Variants in PLD5 observed in about 807,000 individuals in gnomAD.
PLD5 encodes inactive phospholipase D5.
PLD5 carries 36 observed loss-of-function variants against 61.1 expected under a neutral mutation model. The ratio of observed to expected loss-of-function variants is 0.59; its 90% CI spans 0.45 to 0.78. The LOEUF (loss-of-function observed/expected upper bound fraction) is 0.78. PLD5 is among the 30% of genes least tolerant of loss of function. The pLI, the probability that PLD5 is intolerant of heterozygous loss-of-function variation, is 0.00. For missense variants in PLD5, 515 were observed against 644.4 expected (o/e 0.80, Z 2.17); for synonymous variants, 243 against 242.8 (o/e 1.00, Z -0.01).
chr1:242,457,149 G>A lies in PLD5; in HGVS notation c.189+66939C>T, dbSNP rs116709206. On this transcript the variant is annotated intron_variant, in intron 1 of 9. Transcript: ENST00000536534. The stretch of plus-strand genomic sequence containing the variant: ...GGTGATGGGAATTCCTAGTGAACTC[G>A]AAACAGACAATGGTCCAGCCTATTG... 7.6e-3 allele frequency among the ~76,000 whole-genome samples: 1,151 copies of A among 152,236 alleles called. 16 individuals carry two copies. The highest frequency in any genetic ancestry group is 0.024 in the African/African-American group (990 of 41,526).
intron 1 of PLD5, among the ~76,000 whole-genome samples, chr1:242,374,682 A>G (rs945692172): frequency 6.6e-6 from 1 of 152,168 alleles, no homozygotes; most frequent in Non-Finnish European, 1.5e-5. Context: ...GAAGGAAGAA[A>G]CGTTACACAG....
chr1:242,477,823 C>T (rs1198394951), intron 1 of PLD5, among the ~76,000 whole-genome samples: 1 of 152,080 alleles, frequency 6.6e-6, no homozygotes, highest in African/African-American at 2.4e-5. Flanking sequence ...AAAGAAATGG[C>T]AGCGGTCTGA....
At chr1:242,116,187 C>T (rs1002593951) in intron 6 of PLD5, among the ~76,000 whole-genome samples, 3 of 152,010 alleles carry the variant, frequency 2.0e-5, no homozygotes, top group East Asian at 1.9e-4. Context: ...TTCCTCCTCA[C>T]CAATTATGTC....
chr1:242,143,851 T>C (rs1304195603), intron 5 of PLD5, among the ~76,000 whole-genome samples: 1 of 150,028 alleles, frequency 6.7e-6, no homozygotes, highest in African/African-American at 2.5e-5. Flanking sequence ...TTTTTTTTCC[T>C]TTTTTTTTGA....
intron 1 of PLD5, among the ~76,000 whole-genome samples, chr1:242,436,591 C>T (rs905620751): frequency 3.3e-5 from 5 of 152,140 alleles, no homozygotes; most frequent in African/African-American, 1.2e-4. Context: ...CAAAAAAGTA[C>T]AACTGAAGAC....
At chr1:242,445,746 G>C (rs1159533811) in intron 1 of PLD5, among the ~76,000 whole-genome samples, 1 of 150,188 alleles carries the variant, frequency 6.7e-6, no homozygotes, top group Non-Finnish European at 1.5e-5. Flanking sequence ...TACAGTGAGG[G>C]GGTTTTATTC....
chr1:242,502,034 A>C (rs949348867), intron 1 of PLD5, among the ~76,000 whole-genome samples: 1 of 152,074 alleles, frequency 6.6e-6, no homozygotes, highest in African/African-American at 2.4e-5. Context: ...GCTAAGACAC[A>C]GTTTCTTGTT....
At chr1:242,348,343 G>A (rs1660259433) in intron 1 of PLD5, 101 bp from the exon 2 acceptor site, 3 of 1,297,404 alleles carry the variant, frequency 2.3e-6, no homozygotes, top group South Asian at 3.0e-5. Context: ...AAATGGGTGG[G>A]GATACGATTA....
chr1:242,495,029 T>C (rs554522365), intron 1 of PLD5, among the ~76,000 whole-genome samples: 28 of 152,238 alleles, frequency 1.8e-4, no homozygotes, highest in African/African-American at 5.5e-4. Context: ...AATAGTGCTA[T>C]TACTCTATCT....
intron 5 of PLD5, among the ~76,000 whole-genome samples, chr1:242,199,713 G>A (rs544066054): frequency 5.4e-4 from 82 of 151,956 alleles, no homozygotes; most frequent in African/African-American, 4.8e-4. Flanking sequence ...TCCACACTCC[G>A]CCTCCATGTG....
At chr1:242,253,705 GC>G (rs1558400402) in intron 4 of PLD5, among the ~76,000 whole-genome samples, 2 of 152,114 alleles carry the variant, frequency 1.3e-5, no homozygotes, top group Non-Finnish European at 2.9e-5. Flanking sequence ...ATAAAATTCT[GC>G]TTTTCTCCTG....
intron 1 of PLD5, among the ~76,000 whole-genome samples, chr1:242,518,625 T>C (rs541071307): frequency 1.0e-3 from 159 of 152,266 alleles, no homozygotes; most frequent in African/African-American, 3.2e-3. Context: ...TAGAAGTCTA[T>C]AGAGAGAAGT....
chr1:242,321,681 A>G (rs971120260), intron 2 of PLD5, among the ~76,000 whole-genome samples: 8 of 152,044 alleles, frequency 5.3e-5, no homozygotes, highest in African/African-American at 1.9e-4. Flanking sequence ...CTGTTCTGCC[A>G]TCATTACCTG....
intron 1 of PLD5, among the ~76,000 whole-genome samples, chr1:242,439,392 C>T (rs1666165247): frequency 6.6e-6 from 1 of 152,096 alleles, no homozygotes; most frequent in South Asian, 2.1e-4. Flanking sequence ...GGCATGGAGG[C>T]ACGTTCATAG....
At chr1:242,245,424 C>A (rs1475247316) in intron 4 of PLD5, among the ~76,000 whole-genome samples, 1 of 152,214 alleles carries the variant, frequency 6.6e-6, no homozygotes, top group African/African-American at 2.4e-5. Flanking sequence ...TCATCAGCCT[C>A]TTTGTTCACT....
Position 242,377,208 on chromosome 1 carries a change from T to C in PLD5, c.190-28966A>G, listed in dbSNP as rs113751804. ...GTGAGACGTGTAGCAGAGGCCACAC[T>C]CCCGGCACTGGTAGGAAGAACCATC... is the stretch of plus-strand genomic sequence containing the variant. On this transcript the variant is annotated intron_variant, in intron 1 of 9. Coordinates refer to ENST00000536534, the MANE Select transcript of PLD5 (RefSeq NM_001372062.1). 1,525 of 1,611,498 alleles carry C rather than the reference T, an allele frequency of 9.5e-4. 4 individuals carry two copies. In the African/African-American group the frequency reaches 0.012, roughly 13 times the overall value.
Position 242,089,626 on chromosome 1 carries a change from A to C in PLD5, c.*228T>G. Reference sequence around the variant, plus strand: ...TATGCAAACGTAAAAACTAACTTCTACGCCAGAATGACATTCTCTGTCAGA... The same window carrying C: ...TATGCAAACGTAAAAACTAACTTCTCCGCCAGAATGACATTCTCTGTCAGA... On this transcript the variant is annotated 3_prime_UTR_variant, in exon 10 of 10. Transcript: ENST00000536534. The C allele has an allele frequency of 1.7e-6, 1 of 591,296 alleles. No homozygotes were observed. Among genetic ancestry groups the C allele is most frequent in the Non-Finnish European group, 2.9e-6 (1 of 347,422 alleles). 36.6% of individuals were successfully genotyped at this position (591,296 alleles called of 1,614,324 possible).
chr1:242,315,966 C>T (rs982507500), intron 2 of PLD5, among the ~76,000 whole-genome samples: 1 of 152,158 alleles, frequency 6.6e-6, no homozygotes, highest in African/African-American at 2.4e-5. Flanking sequence ...GGCTTGGGTC[C>T]TGAAGTCAAA....
rs1470730912 is a variant in PLD5 at position 242,430,245 on chromosome 1, T to C, written c.190-82003A>G. Among the ~76,000 whole-genome samples the C allele has an allele frequency of 3.9e-5, 6 of 152,220 alleles. No homozygotes were observed. The East Asian group carries it at 1.2e-3, about 29-fold the overall frequency. On this transcript the variant is annotated intron_variant, in intron 1 of 9. Coordinates refer to ENST00000536534, the MANE Select transcript of PLD5 (RefSeq NM_001372062.1). ...AACAGAAATTTATTTCTCATAGTTCTGGAGGCTGGGAAGTTCAAGATCAGG... is the reference window on the plus strand; with the variant it reads ...AACAGAAATTTATTTCTCATAGTTCCGGAGGCTGGGAAGTTCAAGATCAGG...
Sources: gnomAD v4.1 joint callset for allele counts (sites outside exome capture counted in the v4.1 genomes callset) on GRCh38, gnomAD v4.1.1 for gene constraint, MANE v1.5 for transcripts, NCBI Gene and HGNC (gene_info 2026-07-23, HGNC 2026-07-21) for gene names.